The following ZBTB20 variants were observed in gnomAD, a reference collection of about 807,000 sequenced individuals.
ZBTB20 encodes the protein zinc finger and BTB domain-containing protein 20.
In ZBTB20, 9 loss-of-function variants were observed where a neutral mutation model predicts 56.9. The ratio of observed to expected loss-of-function variants is 0.16; its 90% CI spans 0.10 to 0.28. The LOEUF (loss-of-function observed/expected upper bound fraction) is 0.28, where lower values mean the gene tolerates loss of function less well. Among genes scored for constraint, ZBTB20 ranks in the 10% least tolerant of loss-of-function variants. The pLI, the probability that ZBTB20 is intolerant of heterozygous loss-of-function variation, is 1.00. For synonymous variants in ZBTB20, 417 were observed against 420.7 expected (o/e 0.99, Z 0.11); for missense variants, 655 against 1,003.0 (o/e 0.65, Z 4.69).
intron 6 of ZBTB20, among the ~76,000 whole-genome samples, chr3:114,550,954 T>C (rs1163569496): frequency 6.6e-6 from 1 of 152,156 alleles, no homozygotes. Flanking sequence ...TTTTGCCATG[T>C]TGGCCAGGCT....
intron 1 of ZBTB20, among the ~76,000 whole-genome samples, chr3:115,115,914 T>A (rs918266070): frequency 6.6e-6 from 1 of 152,038 alleles, no homozygotes; most frequent in Non-Finnish European, 1.5e-5. Flanking sequence ...TATAAATCAT[T>A]TCAAATAGAC....
At chr3:114,842,269 G>A (rs533750547) in intron 4 of ZBTB20, among the ~76,000 whole-genome samples, 2 of 152,030 alleles carry the variant, frequency 1.3e-5, no homozygotes, top group African/African-American at 4.8e-5. Context: ...ATTTTAGAGG[G>A]GTGAAGTTTT....
chr3:114,982,179 G>A (rs2078357108), intron 2 of ZBTB20, among the ~76,000 whole-genome samples: 1 of 151,956 alleles, frequency 6.6e-6, no homozygotes, highest in African/African-American at 2.4e-5. Context: ...TATTCCAAAG[G>A]CAACCAAGAC....
At chr3:114,647,858 C>A (rs77830846) in intron 6 of ZBTB20, among the ~76,000 whole-genome samples, 1 of 152,056 alleles carries the variant, frequency 6.6e-6, no homozygotes, top group African/African-American at 2.4e-5. Flanking sequence ...GGTGATACTT[C>A]GTTGACATCT....
At chr3:114,929,118 GAC>G (rs1273741740) in intron 3 of ZBTB20, among the ~76,000 whole-genome samples, 1 of 152,164 alleles carries the variant, frequency 6.6e-6, no homozygotes, top group Admixed American at 6.5e-5. Context: ...ATGATAGAGG[GAC>G]ACAGAAAGTC....
At chr3:115,098,701 A>C (rs1298147616) in intron 1 of ZBTB20, among the ~76,000 whole-genome samples, 1 of 152,220 alleles carries the variant, frequency 6.6e-6, no homozygotes, top group African/African-American at 2.4e-5. Context: ...CCTTCCTGAA[A>C]TAATGGATTT....
At chr3:114,525,298 C>G (rs1394210326) in intron 6 of ZBTB20, among the ~76,000 whole-genome samples, 4 of 152,148 alleles carry the variant, frequency 2.6e-5, no homozygotes, top group Non-Finnish European at 5.9e-5. Context: ...CTATAACATG[C>G]TGATGAATCC....
At position 114,464,269 on chromosome 3, in the gene ZBTB20, T is replaced by TA. The variant is rs564189116; in HGVS notation, c.-255+36082dup. On this transcript the variant is annotated intron_variant, in intron 7 of 11. Transcript: ENST00000675478. ...TGAAAGTTGTGATTCTTAATTTTTTTAAAAAAACATATACATTGGGCCACT... is the reference window on the plus strand; with the variant it reads ...TGAAAGTTGTGATTCTTAATTTTTTTAAAAAAAACATATACATTGGGCCACT... Among the ~76,000 whole-genome samples, 17 of 152,288 alleles carry TA rather than the reference T, an allele frequency of 1.1e-4. No individual in the cohort carries two copies. The East Asian group carries it at 2.9e-3, about 26-fold the overall frequency.
intron 6 of ZBTB20, among the ~76,000 whole-genome samples, chr3:114,578,280 G>T (rs1281361224): frequency 2.0e-5 from 3 of 151,868 alleles, no homozygotes; most frequent in Admixed American, 6.6e-5. Flanking sequence ...GTAGCAAGAA[G>T]AATTAATTTT....
intron 6 of ZBTB20, among the ~76,000 whole-genome samples, chr3:114,641,928 T>C (rs1451865225): frequency 6.6e-6 from 1 of 152,054 alleles, no homozygotes; most frequent in African/African-American, 2.4e-5. Flanking sequence ...GAAAATGTTC[T>C]CATAAATTTT....
At chr3:114,345,937 G>C (rs1047677537) in intron 11 of ZBTB20, among the ~76,000 whole-genome samples, 9 of 152,108 alleles carry the variant, frequency 5.9e-5, no homozygotes, top group Admixed American at 3.9e-4. Context: ...TTCCCTGACA[G>C]GATGGTTTGT....
chr3:115,005,894 G>A (rs1455768756), intron 2 of ZBTB20, among the ~76,000 whole-genome samples: 1 of 151,746 alleles, frequency 6.6e-6, no homozygotes, highest in African/African-American at 2.4e-5. Context: ...AAAATTCTAT[G>A]AGGTCTGTCT....
At chr3:114,726,827 GCTTGAAC>G (rs1435219249) in intron 5 of ZBTB20, among the ~76,000 whole-genome samples, 1 of 138,352 alleles carries the variant, frequency 7.2e-6, no homozygotes, top group East Asian at 2.2e-4. Context: ...CAGGATAATT[GCTTGAAC>G]CTGGGAGGCA....
At chr3:114,641,603 AG>A (rs1478144226) in intron 6 of ZBTB20, among the ~76,000 whole-genome samples, 8 of 151,930 alleles carry the variant, frequency 5.3e-5, no homozygotes, top group Non-Finnish European at 1.0e-4. Flanking sequence ...TCTAATTACT[AG>A]GTAGATTTTA....
chr3:114,385,990 T>TTTGATC (rs1349344767), intron 8 of ZBTB20, among the ~76,000 whole-genome samples: 12 of 152,220 alleles, frequency 7.9e-5, no homozygotes, highest in African/African-American at 2.9e-4. Flanking sequence ...TTCCTCAACA[T>TTTGATC]TTGATCTTGC....
At chr3:114,882,101 C>T (rs961623604) in intron 4 of ZBTB20, among the ~76,000 whole-genome samples, 1 of 151,556 alleles carries the variant, frequency 6.6e-6, no homozygotes, top group African/African-American at 2.4e-5. Context: ...GCTATACAAA[C>T]CAATAAAATA....
rs547811406 is a variant in ZBTB20, at chr3:114,517,977, C to T, written c.-294-17586G>A. ...ATGGTACTATTACCCACTGAGCTCA[C>T]ATTCTAAGGGGAAAAATTTGAACAA... On this transcript the variant is annotated intron_variant, in intron 6 of 11. Transcript: ENST00000675478. Among the ~76,000 whole-genome samples the T allele has an allele frequency of 5.3e-5, 8 of 152,272 alleles. 1 individual carries two copies. In the South Asian group the frequency reaches 1.5e-3, roughly 28 times the overall value.
intron 7 of ZBTB20, among the ~76,000 whole-genome samples, chr3:114,487,254 T>C (rs1037851185): frequency 6.6e-6 from 1 of 152,156 alleles, no homozygotes; most frequent in African/African-American, 2.4e-5. Flanking sequence ...GTCAGTGGCA[T>C]GGTCTCCAAG....
intron 6 of ZBTB20, among the ~76,000 whole-genome samples, chr3:114,650,225 T>TG (rs72585167): frequency 0.064 from 8,697 of 134,992 alleles, 331 homozygotes; most frequent in Middle Eastern, 0.15. Flanking sequence ...ATATAAAGCA[T>TG]TATTATTAAC....
Sources: allele counts gnomAD v4.1 joint callset (sites outside exome capture counted in the v4.1 genomes callset), GRCh38; gene constraint gnomAD v4.1.1; transcripts MANE v1.5; gene names NCBI Gene and HGNC (gene_info 2026-07-23, HGNC 2026-07-21).